TTC9: variants seen among roughly 807,000 people sequenced by gnomAD.
TTC9 encodes tetratricopeptide repeat protein 9A.
TTC9 carries 13 observed loss-of-function variants against 22.9 expected under a neutral mutation model. The observed-to-expected ratio is 0.57, with a 90% CI of 0.37 to 0.90. The LOEUF is 0.90. Among genes scored for constraint, TTC9 ranks in the 40% least tolerant of loss-of-function variants. TTC9 has a pLI of 0.01. For missense variants in TTC9, 280 were observed against 291.8 expected, an observed-to-expected ratio of 0.96 and a Z score of 0.29; for synonymous variants, 148 against 133.2, an observed-to-expected ratio of 1.11 and a Z score of -0.77.
rs1339798684 is a variant in TTC9 at position 70,673,804 on chromosome 14, G to A, written c.*2649G>A. 6.6e-6 allele frequency: 1 copy of A among 152,110 alleles called. No individual in the cohort carries two copies. Among genetic ancestry groups the A allele is most frequent in the African/African-American group, 2.4e-5 (1 of 41,400 alleles). The allele number at this position is 152,110 out of a possible 1,614,324, so 9.4% of individuals were successfully genotyped here. A position where few individuals can be genotyped will look rare whatever the true frequency, so the allele number is the denominator to read the frequency against. On this transcript the variant is annotated 3_prime_UTR_variant, in exon 3 of 3. Transcript: ENST00000256367. ...ACATGAGTGTGCTGGGGCAGGGCTGGACAATCCAGGATATGATTGTAGCCA... is the reference window on the plus strand; with the variant it reads ...ACATGAGTGTGCTGGGGCAGGGCTGAACAATCCAGGATATGATTGTAGCCA...
chr14:70,643,009 T>A (rs1594732997), intron 1 of TTC9, among the ~76,000 whole-genome samples: 1 of 152,220 alleles, frequency 6.6e-6, no homozygotes, highest in Admixed American at 6.5e-5. Flanking sequence ...GTAGGTAAGA[T>A]CTTCCCCAAG....
chr14:70,658,158 T>C (rs115021534), intron 1 of TTC9, among the ~76,000 whole-genome samples: 3,340 of 152,258 alleles, frequency 0.022, 116 homozygotes, highest in African/African-American at 0.075. Flanking sequence ...TCTTTCCCCA[T>C]AAGAGCTAAG....
chr14:70,664,276 C>T (rs748511738), intron 1 of TTC9, among the ~76,000 whole-genome samples: 49 of 151,702 alleles, frequency 3.2e-4, no homozygotes, highest in Middle Eastern at 6.8e-3. Context: ...CTCACACGTG[C>T]CTGCTGTCAT....
chr14:70,667,455 C>T, intron 1 of TTC9, 109 bp from the exon 2 acceptor site: 1 of 1,138,482 alleles, frequency 8.8e-7, no homozygotes, highest in South Asian at 1.4e-5. Flanking sequence ...ATGTAAACCC[C>T]AGTGGAAAAC....
chr14:70,643,463 C>T (rs1201304710), intron 1 of TTC9, among the ~76,000 whole-genome samples: 1 of 152,222 alleles, frequency 6.6e-6, no homozygotes, highest in Non-Finnish European at 1.5e-5. Flanking sequence ...GCAAAGGCAA[C>T]TTAAAAAGCA....
At chr14:70,668,564 G>A (rs1466041934) in intron 2 of TTC9, among the ~76,000 whole-genome samples, 1 of 152,130 alleles carries the variant, frequency 6.6e-6, no homozygotes, top group Non-Finnish European at 1.5e-5. Flanking sequence ...AAGAGTAAAT[G>A]GGGGCGCTGG....
At chr14:70,651,136 A>T (rs754030505) in intron 1 of TTC9, among the ~76,000 whole-genome samples, 1 of 152,156 alleles carries the variant, frequency 6.6e-6, no homozygotes, top group African/African-American at 2.4e-5. Flanking sequence ...GTGCGCCACC[A>T]TGTCCAGCTA....
chr14:70,651,064 T>C (rs1885978086), intron 1 of TTC9, among the ~76,000 whole-genome samples: 2 of 152,066 alleles, frequency 1.3e-5, no homozygotes, highest in Admixed American at 1.3e-4. Context: ...CACTGCAACC[T>C]CTGCCACCTG....
At chr14:70,655,287 G>A (rs528307410) in intron 1 of TTC9, among the ~76,000 whole-genome samples, 5 of 152,182 alleles carry the variant, frequency 3.3e-5, no homozygotes, top group East Asian at 3.9e-4. Context: ...CTAGCTACTC[G>A]GGAGGCTGAG....
chr14:70,651,911 C>G (rs190008872), intron 1 of TTC9, among the ~76,000 whole-genome samples: 2 of 151,902 alleles, frequency 1.3e-5, no homozygotes, highest in East Asian at 3.9e-4. Flanking sequence ...TTTTACTGGA[C>G]ACTCGCTATG....
At chr14:70,651,945 T>C (rs1004470171) in intron 1 of TTC9, among the ~76,000 whole-genome samples, 27 of 150,502 alleles carry the variant, frequency 1.8e-4, no homozygotes, top group African/African-American at 6.7e-4. Context: ...CAAATCTAAA[T>C]CCTTTCTGGT....
At chr14:70,656,331 T>C (rs1886067101) in intron 1 of TTC9, among the ~76,000 whole-genome samples, 1 of 152,164 alleles carries the variant, frequency 6.6e-6, no homozygotes, top group Non-Finnish European at 1.5e-5. Context: ...ATTGAAAATA[T>C]TTTTCACCGT....
At chr14:70,646,141 T>C (rs1885898124) in intron 1 of TTC9, among the ~76,000 whole-genome samples, 1 of 152,218 alleles carries the variant, frequency 6.6e-6, no homozygotes, top group South Asian at 2.1e-4. Flanking sequence ...GATTTCCTTT[T>C]GGTTGGAAGA....
intron 1 of TTC9, among the ~76,000 whole-genome samples, chr14:70,665,634 G>C (rs189199767): frequency 2.0e-5 from 3 of 152,318 alleles, no homozygotes; most frequent in Admixed American, 2.0e-4. Context: ...CTAGATCTGG[G>C]CTGATTCTCT....
chr14:70,650,053 A>G (rs1773489948), intron 1 of TTC9, among the ~76,000 whole-genome samples: 1 of 152,142 alleles, frequency 6.6e-6, no homozygotes, highest in African/African-American at 2.4e-5. Context: ...CCCTTGCTTT[A>G]GGGTGTGTGA....
chr14:70,667,696 A>G lies in TTC9; in HGVS notation c.539A>G (p.Tyr180Cys). The G allele has an allele frequency of 6.2e-7, 1 of 1,613,326 alleles. No individual in the cohort carries two copies. Among genetic ancestry groups the G allele is most frequent in the South Asian group, 1.1e-5 (1 of 90,982 alleles). ...SGVAFYHLGDYDKALYYLKEA... is the reference protein window; with the variant it reads ...SGVAFYHLGDCDKALYYLKEA... ...GTGGCCTTCTACCACCTTGGGGACT[A>G]TGACAAAGCACTCTACTACCTGAAA... is the stretch of plus-strand genomic sequence containing the variant. Residue 180 changes from tyrosine (Y) to cysteine (C), a missense_variant, in exon 2 of 3, where the codon TAT (tyrosine) becomes TGT (cysteine). By Grantham distance (194) the Tyr-to-Cys change is radical. Coordinates refer to ENST00000256367, the MANE Select transcript of TTC9 (RefSeq NM_015351.2).
intron 1 of TTC9, among the ~76,000 whole-genome samples, chr14:70,662,413 CAA>C (rs57369399): frequency 0.38 from 46,252 of 122,854 alleles, 7,907 homozygotes; most frequent in Admixed American, 0.45. Context: ...ATCTCTATGC[CAA>C]AAAAAAAAAA....
intron 1 of TTC9, among the ~76,000 whole-genome samples, chr14:70,658,033 CA>C (rs1886091045): frequency 1.3e-5 from 2 of 152,206 alleles, no homozygotes; most frequent in South Asian, 4.1e-4. Flanking sequence ...CCAGAGTTCT[CA>C]GTCCTCAGAC....
At chr14:70,659,489 T>C (rs1886115793) in intron 1 of TTC9, among the ~76,000 whole-genome samples, 1 of 152,092 alleles carries the variant, frequency 6.6e-6, no homozygotes, top group African/African-American at 2.4e-5. Context: ...CTGAATGGAA[T>C]TGGAGATGCT....
Sources: allele counts gnomAD v4.1 joint callset (sites outside exome capture counted in the v4.1 genomes callset), GRCh38; gene constraint gnomAD v4.1.1; transcripts MANE v1.5; gene names NCBI Gene and HGNC (gene_info 2026-07-23, HGNC 2026-07-21).